CPXM2: variants seen among roughly 807,000 people sequenced by gnomAD.
CPXM2 encodes carboxypeptidase X, M14 family member 2.
A neutral mutation model predicts 86.1 loss-of-function variants in CPXM2; 66 were observed. The ratio of observed to expected loss-of-function variants is 0.77; its 90% CI spans 0.63 to 0.94. CPXM2 has a LOEUF of 0.94. Among genes scored for constraint, CPXM2 ranks in the 40% least tolerant of loss-of-function variants. The pLI, the probability that CPXM2 is intolerant of heterozygous loss-of-function variation, is 0.00. For synonymous variants in CPXM2, 388 were observed against 400.2 expected, an observed-to-expected ratio of 0.97 and a Z score of 0.36; for missense variants, 948 against 1,026.3, an observed-to-expected ratio of 0.92 and a Z score of 1.04.
chr10:123,843,055 A>C (rs1254134783), intron 3 of CPXM2, among the ~76,000 whole-genome samples: 1 of 152,068 alleles, frequency 6.6e-6, no homozygotes. Flanking sequence ...TCCAGTGAAC[A>C]TTTGTTTGTT....
intron 4 of CPXM2, among the ~76,000 whole-genome samples, chr10:123,832,411 G>A (rs1180386033): frequency 1.3e-5 from 2 of 152,180 alleles, no homozygotes; most frequent in Admixed American, 1.3e-4. Flanking sequence ...ATGTGCACTG[G>A]ACAGGGAGGA....
At chr10:123,876,523 G>A (rs1357545679) in intron 2 of CPXM2, among the ~76,000 whole-genome samples, 1 of 152,204 alleles carries the variant, frequency 6.6e-6, no homozygotes, top group African/African-American at 2.4e-5. Flanking sequence ...AACTTCTAAG[G>A]CAGAGGCTGA....
intron 4 of CPXM2, among the ~76,000 whole-genome samples, chr10:123,841,212 C>T (rs1848378705): frequency 6.6e-6 from 1 of 152,190 alleles, no homozygotes; most frequent in South Asian, 2.1e-4. Context: ...CCACAAAGCC[C>T]CCAAGCTCTG....
chr10:123,876,069 G>A (rs183581736), intron 2 of CPXM2, among the ~76,000 whole-genome samples: 6 of 151,808 alleles, frequency 4.0e-5, no homozygotes, highest in Admixed American at 6.6e-5. Context: ...CACCTGCCTC[G>A]GCCTCCCAAA....
rs1564754114 is a variant in CPXM2 at position 123,761,952 on chromosome 10, CG to C, written c.1696del (p.Arg566GlyfsTer29). The C allele has an allele frequency of 6.2e-7, 1 of 1,613,770 alleles. No homozygotes were observed. Among genetic ancestry groups the C allele is most frequent in the Admixed American group, 1.7e-5 (1 of 59,978 alleles). ...GTCCTCCGTGTGGCACACCCTCCTC[CG>C]GGCGTCTGTCATGAGGCGGTGTGTG... The part of the protein sequence containing the change: ...ASTHRLMTDA[R>X]RRVCHTEDFQ... On this transcript the variant is annotated frameshift_variant, in exon 11 of 14. Coordinates refer to ENST00000241305, the MANE Select transcript of CPXM2 (RefSeq NM_198148.3). LOFTEE classifies it high-confidence loss of function.
chr10:123,844,718 A>C (rs1001142547), intron 3 of CPXM2, among the ~76,000 whole-genome samples: 1 of 152,206 alleles, frequency 6.6e-6, no homozygotes, highest in African/African-American at 2.4e-5. Context: ...AAATTACAAT[A>C]TATGAAGACA....
intron 4 of CPXM2, among the ~76,000 whole-genome samples, chr10:123,835,850 G>A (rs891349000): frequency 4.6e-5 from 7 of 152,188 alleles, no homozygotes; most frequent in African/African-American, 7.2e-5. Flanking sequence ...CACAGAGGCC[G>A]GGACGATGCC....
intron 4 of CPXM2, among the ~76,000 whole-genome samples, chr10:123,831,517 G>A (rs1406329393): frequency 6.6e-6 from 1 of 152,174 alleles, no homozygotes; most frequent in African/African-American, 2.4e-5. Context: ...TACTATTGCT[G>A]ACACAAACTT....
intron 4 of CPXM2, among the ~76,000 whole-genome samples, chr10:123,833,072 G>A (rs889494696): frequency 8.5e-5 from 13 of 152,112 alleles, no homozygotes; most frequent in African/African-American, 1.9e-4. Context: ...CTTCCTAAAC[G>A]GTGAGAAACA....
intron 12 of CPXM2, among the ~76,000 whole-genome samples, chr10:123,756,310 G>C (rs1896377): frequency 0.24 from 36,881 of 152,236 alleles, 7,250 homozygotes; most frequent in African/African-American, 0.55. Flanking sequence ...CAGGTAGTCT[G>C]TTCCTTAGTG....
intron 2 of CPXM2, among the ~76,000 whole-genome samples, chr10:123,898,470 AATAT>A (rs929714459): frequency 2.8e-5 from 4 of 143,488 alleles, no homozygotes; most frequent in Non-Finnish European, 4.7e-5. Context: ...ATCTCAAAAA[AATAT>A]ATATATCTTT....
At chr10:123,858,408 A>T (rs949856158) in intron 3 of CPXM2, among the ~76,000 whole-genome samples, 1 of 152,258 alleles carries the variant, frequency 6.6e-6, no homozygotes, top group African/African-American at 2.4e-5. Flanking sequence ...TCAATGTGAG[A>T]TAACTGTCAG....
chr10:123,901,787 G>A (rs1490098850), intron 2 of CPXM2, among the ~76,000 whole-genome samples: 1 of 152,168 alleles, frequency 6.6e-6, no homozygotes, highest in Non-Finnish European at 1.5e-5. Context: ...CAACCAATCA[G>A]AGTTCACCTG....
At chr10:123,873,458 T>C (rs1400495508) in intron 2 of CPXM2, among the ~76,000 whole-genome samples, 2 of 152,220 alleles carry the variant, frequency 1.3e-5, no homozygotes, top group Admixed American at 6.5e-5. Context: ...GTAAAATCAA[T>C]GCAAATCTAA....
intron 6 of CPXM2, among the ~76,000 whole-genome samples, chr10:123,785,322 C>T (rs1022198153): frequency 1.3e-5 from 2 of 152,134 alleles, no homozygotes; most frequent in African/African-American, 2.4e-5. Context: ...TTCCCTGCAC[C>T]GCCCTTATGA....
intron 2 of CPXM2, among the ~76,000 whole-genome samples, chr10:123,868,638 G>A (rs1203371910): frequency 6.6e-6 from 1 of 152,102 alleles, no homozygotes; most frequent in Non-Finnish European, 1.5e-5. Flanking sequence ...CAATAATCAC[G>A]GTAATTGTCA....
At chr10:123,918,330 T>C (rs1945551281) in intron 2 of CPXM2, among the ~76,000 whole-genome samples, 1 of 152,174 alleles carries the variant, frequency 6.6e-6, no homozygotes, top group African/African-American at 2.4e-5. Flanking sequence ...GTTTCGATTC[T>C]GGCTAGGAGG....
At chr10:123,767,205 C>T in intron 9 of CPXM2, 53 bp from the exon 10 acceptor site, 1 of 1,523,486 alleles carries the variant, frequency 6.6e-7, no homozygotes, top group South Asian at 1.1e-5. Flanking sequence ...CAACGCGGAC[C>T]CTCTACCATA....
At position 123,807,750 on chromosome 10, in the gene CPXM2, C is replaced by T. The variant is rs538378991; in HGVS notation, c.654-8551G>A. 4.7e-4 allele frequency among the ~76,000 whole-genome samples: 71 copies of T among 152,276 alleles called. No homozygotes were observed. In the East Asian group the frequency reaches 0.011, roughly 23 times the overall value. ...GATTATGTTATTCTTTTGTGACAGG[C>T]AAATCCATTGTTATTAAAGAGGCTC... On this transcript the variant is annotated intron_variant, in intron 4 of 13. Coordinates refer to ENST00000241305, the MANE Select transcript of CPXM2 (RefSeq NM_198148.3).
Sources: allele counts gnomAD v4.1 joint callset (sites outside exome capture counted in the v4.1 genomes callset), GRCh38; gene constraint gnomAD v4.1.1; transcripts MANE v1.5; gene names NCBI Gene and HGNC (gene_info 2026-07-23, HGNC 2026-07-21).